Variants in THADA observed in about 807,000 individuals in gnomAD.
The protein encoded by THADA is tRNA (32-2'-O)-methyltransferase regulator THADA.
Under a neutral mutation model 219.8 loss-of-function variants are expected in THADA, and 213 were observed. The ratio of observed to expected loss-of-function variants is 0.97; its 90% confidence interval spans 0.87 to 1.09. The LOEUF (loss-of-function observed/expected upper bound fraction) is 1.09, where lower values mean the gene tolerates loss of function less well. THADA is among the 50% of genes least tolerant of loss of function. The pLI is 0.00. For missense variants in THADA, 2,956 were observed against 2,311.3 expected (o/e 1.28, Z -5.72); for synonymous variants, 1,018 against 828.9 (o/e 1.23, Z -3.92).
chr2:43,239,792 C>T (rs1045517276), intron 36 of THADA, among the ~76,000 whole-genome samples: 4 of 152,192 alleles, frequency 2.6e-5, no homozygotes, highest in African/African-American at 9.7e-5. Context: ...TGAAAAATCC[C>T]TCAGCTTTAG....
At chr2:43,496,678 C>T (rs1040576084) in intron 25 of THADA, among the ~76,000 whole-genome samples, 2 of 151,284 alleles carry the variant, frequency 1.3e-5, no homozygotes, top group Non-Finnish European at 1.5e-5. Flanking sequence ...AAAAAGATAA[C>T]GAGTATTGGT....
At chr2:43,234,458 G>C (rs1399301496) in intron 36 of THADA, among the ~76,000 whole-genome samples, 1 of 152,102 alleles carries the variant, frequency 6.6e-6, no homozygotes, top group African/African-American at 2.4e-5. Flanking sequence ...CTAGAACCCA[G>C]ATTTAAACCA....
chr2:43,592,101 G>T, intron 2 of THADA, 55 bp from the exon 3 acceptor site: 1 of 1,398,122 alleles, frequency 7.2e-7, no homozygotes, highest in Non-Finnish European at 9.7e-7. Flanking sequence ...AGTTAACTTT[G>T]CCTTTGTTGT....
chr2:43,231,624 T>G (rs1206252792), intron 37 of THADA, among the ~76,000 whole-genome samples: 1 of 152,134 alleles, frequency 6.6e-6, no homozygotes, highest in Non-Finnish European at 1.5e-5. Flanking sequence ...GTCAAGATAC[T>G]TTGGGGGATG....
intron 30 of THADA, among the ~76,000 whole-genome samples, chr2:43,323,492 T>C (rs572067064): frequency 6.6e-6 from 1 of 151,904 alleles, no homozygotes; most frequent in South Asian, 2.1e-4. Context: ...ATTGATATCA[T>C]TCCCAATGGT....
chr2:43,320,923 A>G (rs1049659360), intron 30 of THADA, among the ~76,000 whole-genome samples: 22 of 152,224 alleles, frequency 1.4e-4, no homozygotes, highest in African/African-American at 4.6e-4. Context: ...GGGGGAAAAA[A>G]AATCAGTCAT....
At chr2:43,435,396 T>C (rs1028032272) in intron 26 of THADA, among the ~76,000 whole-genome samples, 1 of 149,354 alleles carries the variant, frequency 6.7e-6, no homozygotes, top group Non-Finnish European at 1.5e-5. Context: ...GAGGTGGAGG[T>C]TGAAGTGAGC....
At chr2:43,266,035 G>T (rs1463655705) in intron 36 of THADA, among the ~76,000 whole-genome samples, 1 of 149,366 alleles carries the variant, frequency 6.7e-6, no homozygotes, top group South Asian at 2.1e-4. Flanking sequence ...CCACCACTAT[G>T]TTCTATGAGT....
At chr2:43,342,173 G>A (rs575830536) in intron 30 of THADA, among the ~76,000 whole-genome samples, 5 of 152,066 alleles carry the variant, frequency 3.3e-5, no homozygotes, top group Non-Finnish European at 5.9e-5. Flanking sequence ...CCGTGGTAGC[G>A]CCACTGCACT....
At chr2:43,300,784 CT>C (rs1326978426) in intron 31 of THADA, among the ~76,000 whole-genome samples, 2 of 152,196 alleles carry the variant, frequency 1.3e-5, no homozygotes, top group African/African-American at 4.8e-5. Context: ...TTTCTCCAAA[CT>C]GCTGCTTGGA....
At chr2:43,351,997 A>G (rs1668325735) in intron 29 of THADA, among the ~76,000 whole-genome samples, 1 of 152,248 alleles carries the variant, frequency 6.6e-6, no homozygotes, top group Non-Finnish European at 1.5e-5. Context: ...ATACAAATGA[A>G]GGCCTGCATA....
chr2:43,566,806 T>C lies in THADA; in HGVS notation c.2203A>G (p.Ile735Val). Residue 735 changes from isoleucine to valine, a missense_variant, in exon 15 of 38, where the codon ATT becomes GTT. By Grantham distance (29) the Ile-to-Val change is conservative. Transcript: ENST00000405975. ...LQQYKNFMSS[I>V]CNSLFEALFP... ...AATGCTTCAAAAAGACTGTTACAAA[T>C]GGATGACATGAAATTCTTAAAAAAA... 6.8e-7 allele frequency: 1 copy of C among 1,464,590 alleles called. No individual in the cohort carries two copies. The allele number at this position is 1,464,590 out of a possible 1,614,324, so 90.7% of individuals were successfully genotyped here. A position where few individuals can be genotyped will look rare whatever the true frequency, so the allele number is the denominator to read the frequency against.
At chr2:43,545,638 T>C (rs1695925123) in intron 20 of THADA, among the ~76,000 whole-genome samples, 1 of 152,250 alleles carries the variant, frequency 6.6e-6, no homozygotes, top group Non-Finnish European at 1.5e-5. Flanking sequence ...CCATTTCTTC[T>C]AGATTTTCTA....
In THADA at chr2:43,319,436, A is replaced by C. The variant is rs1487330316; in HGVS notation, c.4438+1010T>G. On this transcript the variant is annotated intron_variant, in intron 31 of 37. Coordinates refer to ENST00000405975, the MANE Select transcript of THADA (RefSeq NM_022065.5). The stretch of plus-strand genomic sequence containing the variant: ...CTTGATGAGAGTCTAGCACGTTCTT[A>C]TTACCTCTGCATGGCCACAGGGGTT... Among the ~76,000 whole-genome samples the C allele has an allele frequency of 2.6e-5, 4 of 152,178 alleles. No homozygotes were observed. In the East Asian group the frequency reaches 7.7e-4, roughly 29 times the overall value.
At chr2:43,450,248 T>C (rs114012326) in intron 26 of THADA, among the ~76,000 whole-genome samples, 1,734 of 152,286 alleles carry the variant, frequency 0.011, 33 homozygotes, top group Non-Finnish European at 0.013. Flanking sequence ...TATAACTTCA[T>C]ACTTTGTTTT....
At chr2:43,483,256 G>A (rs1214287067) in intron 26 of THADA, among the ~76,000 whole-genome samples, 22 of 152,028 alleles carry the variant, frequency 1.4e-4, no homozygotes. Flanking sequence ...TACGTACCCA[G>A]AACAGATGAA....
At chr2:43,570,314 T>C in intron 14 of THADA, 74 bp downstream of exon 14, 1 of 1,389,548 alleles carries the variant, frequency 7.2e-7, no homozygotes, top group Non-Finnish European at 9.8e-7. Flanking sequence ...CTTCCATTTA[T>C]TTCCCTTTAA....
At chr2:43,461,357 C>T (rs6544660) in intron 26 of THADA, among the ~76,000 whole-genome samples, 89,264 of 152,030 alleles carry the variant, frequency 0.59, 27,557 homozygotes, top group African/African-American at 0.76. Flanking sequence ...AAATCACATA[C>T]ACTTGAGTAA....
At position 43,574,833 on chromosome 2, in the gene THADA, G is replaced by T; in HGVS notation, c.1232C>A (p.Thr411Asn). Residue 411 changes from threonine to asparagine, a missense_variant, in exon 11 of 38, where the codon ACC becomes AAC. Physicochemically the swap from Thr to Asn is moderately conservative, Grantham distance 65. Coordinates refer to ENST00000405975, the MANE Select transcript of THADA (RefSeq NM_022065.5). ...GAGAAGGTTTTTGAACATGATTTTG[G>T]TTTGGTGTCTCAGAGCATCCAATGG... is the stretch of plus-strand genomic sequence containing the variant. ...EHPLDALRHQ[T>N]KIMFKNLLQM... 6.2e-7 allele frequency: 1 copy of T among 1,613,936 alleles called. No individual in the cohort carries two copies. The highest frequency in any genetic ancestry group is 8.5e-7 in the Non-Finnish European group (1 of 1,179,870).
Sources: allele counts gnomAD v4.1 joint callset (sites outside exome capture counted in the v4.1 genomes callset), GRCh38; gene constraint gnomAD v4.1.1; transcripts MANE v1.5; gene names NCBI Gene and HGNC (gene_info 2026-07-23, HGNC 2026-07-21).